Variants in MPPED2 observed in about 807,000 individuals in gnomAD.
The protein encoded by MPPED2 is metallophosphoesterase MPPED2.
In MPPED2, 5 loss-of-function variants were observed where a neutral mutation model predicts 33.0. That is an observed-to-expected ratio of 0.15 (90% confidence interval 0.08 to 0.32). MPPED2 has a LOEUF of 0.32. MPPED2 is among the 10% of genes least tolerant of loss of function. The pLI, the probability that MPPED2 is intolerant of heterozygous loss-of-function variation, is 1.00. For synonymous variants in MPPED2, 136 were observed against 141.9 expected (o/e 0.96, Z 0.29); for missense variants, 275 against 372.1 (o/e 0.74, Z 2.15).
At position 30,410,685 on chromosome 11, in the gene MPPED2, C is replaced by T. The variant is rs915271780; in HGVS notation, c.*783G>A. ...GTCCTTGACAATAATAAACTCCTAA[C>T]GTAGTCATAATACACAAAAAATACT... On this transcript the variant is annotated 3_prime_UTR_variant, in exon 7 of 7. Coordinates refer to ENST00000358117, the MANE Select transcript of MPPED2 (RefSeq NM_001584.3). The T allele has an allele frequency of 1.8e-5, 18 of 984,696 alleles. No homozygotes were observed. The highest frequency in any genetic ancestry group is 1.1e-4 in the East Asian group (1 of 8,814). 61.0% of individuals were successfully genotyped at this position (984,696 alleles called of 1,614,324 possible). A position where few individuals can be genotyped will look rare whatever the true frequency, so the allele number is the denominator to read the frequency against.
chr11:30,386,763 T>A (rs1244365311), exon 7 of MPPED2: 12 of 398,436 alleles, frequency 3.0e-5, no homozygotes, highest in Non-Finnish European at 4.4e-5. Context: ...CTCCTGATTA[T>A]GCTGGGTGCA....
At position 30,532,064 on chromosome 11, in the gene MPPED2, A is replaced by T. The variant is rs78425636; in HGVS notation, c.310+3930T>A. ...CTCAGTTTCCTCACACGTTAAAAGG[A>T]AGCTAATAATACCTACTTCACAAGT... On this transcript the variant is annotated intron_variant, in intron 3 of 6. Coordinates refer to ENST00000358117, the MANE Select transcript of MPPED2 (RefSeq NM_001584.3). Among the ~76,000 whole-genome samples the T allele has an allele frequency of 3.6e-4, 55 of 152,340 alleles. No homozygotes were observed. In the East Asian group the frequency reaches 9.1e-3, roughly 25 times the overall value.
At chr11:30,411,670 A>T in intron 6 of MPPED2, 84 bp from the exon 7 acceptor site, 2 of 1,280,992 alleles carry the variant, frequency 1.6e-6, no homozygotes, top group Non-Finnish European at 2.1e-6. Flanking sequence ...GGAAAACAAA[A>T]AATTTTTGTC....
At chr11:30,393,412 T>C (rs941439567) in intron 6 of MPPED2, among the ~76,000 whole-genome samples, 1 of 152,154 alleles carries the variant, frequency 6.6e-6, no homozygotes, top group Non-Finnish European at 1.5e-5. Context: ...GAGTTCCATC[T>C]TGGCCTTGGG....
chr11:30,496,864 C>G (rs1952287442), intron 3 of MPPED2, among the ~76,000 whole-genome samples: 1 of 146,620 alleles, frequency 6.8e-6, no homozygotes, highest in Non-Finnish European at 1.5e-5. Context: ...TTAAGACTGC[C>G]AAACCATGTT....
At chr11:30,512,196 G>A in intron 3 of MPPED2, among the ~76,000 whole-genome samples, 1 of 152,264 alleles carries the variant, frequency 6.6e-6, no homozygotes, top group Middle Eastern at 3.4e-3. Flanking sequence ...CTCATGACTA[G>A]GGCCATGCAC....
At chr11:30,461,511 AC>A (rs1236614845) in intron 4 of MPPED2, among the ~76,000 whole-genome samples, 1 of 152,156 alleles carries the variant, frequency 6.6e-6, no homozygotes, top group African/African-American at 2.4e-5. Context: ...CAGCAAGTCT[AC>A]CCTTGCTCGA....
intron 3 of MPPED2, among the ~76,000 whole-genome samples, chr11:30,508,638 G>A (rs978201583): frequency 5.9e-5 from 9 of 152,158 alleles, no homozygotes; most frequent in African/African-American, 2.2e-4. Context: ...AAAGCTGGGT[G>A]ATCTCATCAA....
chr11:30,581,685 T>C (rs770756245), intron 1 of MPPED2, among the ~76,000 whole-genome samples: 46 of 152,340 alleles, frequency 3.0e-4, no homozygotes, highest in Non-Finnish European at 5.6e-4. Flanking sequence ...TGGCCTGCCA[T>C]AGGCCATTTA....
At chr11:30,465,332 G>A (rs1286559869) in intron 4 of MPPED2, among the ~76,000 whole-genome samples, 1 of 152,174 alleles carries the variant, frequency 6.6e-6, no homozygotes, top group Non-Finnish European at 1.5e-5. Flanking sequence ...CTGTCTCCCA[G>A]GCTGGAATGC....
At chr11:30,456,077 A>C (rs901252816) in intron 4 of MPPED2, among the ~76,000 whole-genome samples, 3 of 152,190 alleles carry the variant, frequency 2.0e-5, no homozygotes, top group Non-Finnish European at 1.5e-5. Context: ...TGTCCTTTAT[A>C]AATATTGCTT....
chr11:30,472,257 G>C (rs1202135488), intron 4 of MPPED2, among the ~76,000 whole-genome samples: 1 of 152,112 alleles, frequency 6.6e-6, no homozygotes, highest in Non-Finnish European at 1.5e-5. Flanking sequence ...ACTACTTGGG[G>C]GTCTGAGGTG....
chr11:30,573,263 T>A (rs911149279), intron 2 of MPPED2, among the ~76,000 whole-genome samples: 2 of 152,178 alleles, frequency 1.3e-5, no homozygotes, highest in African/African-American at 4.8e-5. Flanking sequence ...CTCATGTGTT[T>A]ATGGTGATAC....
intron 6 of MPPED2, among the ~76,000 whole-genome samples, chr11:30,403,976 T>C (rs182868934): frequency 2.0e-3 from 301 of 152,276 alleles, no homozygotes; most frequent in African/African-American, 6.9e-3. Flanking sequence ...CATGAGGGAA[T>C]CTCATTGCTT....
intron 6 of MPPED2, among the ~76,000 whole-genome samples, chr11:30,413,445 A>G (rs1948201494): frequency 6.6e-6 from 1 of 152,222 alleles, no homozygotes; most frequent in Admixed American, 6.5e-5. Flanking sequence ...TGTCTGTCTC[A>G]AAGCCCAGTT....
At chr11:30,527,389 A>G (rs1168193948) in intron 3 of MPPED2, among the ~76,000 whole-genome samples, 1 of 151,528 alleles carries the variant, frequency 6.6e-6, no homozygotes, top group Non-Finnish European at 1.5e-5. Flanking sequence ...TTAATTAAAA[A>G]CTGCCCTTGG....
chr11:30,386,582 A>G, exon 7 of MPPED2: 1 of 396,874 alleles, frequency 2.5e-6, no homozygotes. Context: ...GGCAGCAAAA[A>G]CAGACTAACA....
At chr11:30,488,284 T>A (rs1461985156) in intron 4 of MPPED2, among the ~76,000 whole-genome samples, 1 of 152,226 alleles carries the variant, frequency 6.6e-6, no homozygotes. Context: ...CTGAGTGAAA[T>A]ACACCATCCA....
At chr11:30,558,920 A>T (rs375954517) in intron 2 of MPPED2, among the ~76,000 whole-genome samples, 1 of 152,156 alleles carries the variant, frequency 6.6e-6, no homozygotes, top group Non-Finnish European at 1.5e-5. Flanking sequence ...CAAAAGAAGG[A>T]TCTAGTTTCA....
Sources: allele counts gnomAD v4.1 joint callset (sites outside exome capture counted in the v4.1 genomes callset), GRCh38; gene constraint gnomAD v4.1.1; transcripts MANE v1.5; gene names NCBI Gene and HGNC (gene_info 2026-07-23, HGNC 2026-07-21).